Variants in ARHGAP18 observed in about 807,000 individuals in gnomAD.
ARHGAP18 encodes rho GTPase-activating protein 18.
In ARHGAP18, 67 loss-of-function variants were observed where a neutral mutation model predicts 86.2. The observed-to-expected ratio is 0.78, with a 90% CI of 0.64 to 0.95. The LOEUF (loss-of-function observed/expected upper bound fraction) is 0.95. ARHGAP18 is among the 40% of genes least tolerant of loss of function. ARHGAP18 has a pLI of 0.00. For missense variants in ARHGAP18, 691 were observed against 780.4 expected (o/e 0.89, Z 1.37); for synonymous variants, 283 against 280.4 (o/e 1.01, Z -0.09).
At chr6:129,629,849 A>G (rs977384689) in intron 4 of ARHGAP18, among the ~76,000 whole-genome samples, 119 of 152,304 alleles carry the variant, frequency 7.8e-4, no homozygotes, top group African/African-American at 2.8e-3. Context: ...TGAAGTATTA[A>G]TTGTTGTTTT....
At chr6:129,670,420 A>G (rs1359836247) in intron 1 of ARHGAP18, among the ~76,000 whole-genome samples, 2 of 152,172 alleles carry the variant, frequency 1.3e-5, no homozygotes, top group Admixed American at 6.5e-5. Flanking sequence ...GAAATTCTCT[A>G]TTTCAGAACT....
rs116344589 is a variant in ARHGAP18, at chr6:129,582,533, T to C, written c.1838+1455A>G. Among the ~76,000 whole-genome samples, 863 of 152,300 alleles carry C rather than the reference T, an allele frequency of 5.7e-3. 9 individuals carry two copies. Among genetic ancestry groups the C allele is most frequent in the African/African-American group, 0.02 (812 of 41,562 alleles). ...GGGAAGAATGGCAAAAGTTAGTATC[T>C]ACTAAGTCAAGGTAGGGAGCAGAGA... is the stretch of plus-strand genomic sequence containing the variant. On this transcript the variant is annotated intron_variant, in intron 13 of 14. Coordinates refer to ENST00000368149, the MANE Select transcript of ARHGAP18 (RefSeq NM_033515.3).
intron 1 of ARHGAP18, among the ~76,000 whole-genome samples, chr6:129,652,444 T>G (rs892424170): frequency 6.6e-6 from 1 of 152,260 alleles, no homozygotes; most frequent in Non-Finnish European, 1.5e-5. Context: ...ATCTATCAAG[T>G]CCTGAAGACA....
intron 1 of ARHGAP18, among the ~76,000 whole-genome samples, chr6:129,686,830 G>T (rs1368141006): frequency 6.8e-6 from 1 of 146,612 alleles, no homozygotes; most frequent in Non-Finnish European, 1.5e-5. Flanking sequence ...CGCTCTCGTG[G>T]CCCAGGCCGG....
intron 1 of ARHGAP18, among the ~76,000 whole-genome samples, chr6:129,683,740 T>C (rs1484507207): frequency 3.9e-5 from 6 of 152,140 alleles, no homozygotes; most frequent in Admixed American, 3.3e-4. Context: ...TTCACAACAA[T>C]GCAATAACAA....
chr6:129,642,604 C>T (rs1773492353), intron 1 of ARHGAP18, among the ~76,000 whole-genome samples: 2 of 152,070 alleles, frequency 1.3e-5, no homozygotes, highest in South Asian at 4.1e-4. Context: ...GCATAAGACT[C>T]ATTTAAACCT....
At position 129,636,783 on chromosome 6, in the gene ARHGAP18, AG is replaced by A. The variant is rs376134838; in HGVS notation, c.552+1610del. On this transcript the variant is annotated intron_variant, in intron 3 of 14. Transcript: ENST00000368149. ...GTCCCAGCTACTCCGAGGCTGAGGC[AG>A]GAGAATTGCTTGAACCTGGGAGGGG... 6.6e-4 allele frequency among the ~76,000 whole-genome samples: 101 copies of A among 152,332 alleles called. 1 individual carries two copies. In the East Asian group the frequency reaches 0.016, roughly 25 times the overall value.
chr6:129,690,054 T>C (rs1435926176), intron 1 of ARHGAP18, among the ~76,000 whole-genome samples: 1 of 152,184 alleles, frequency 6.6e-6, no homozygotes, highest in Non-Finnish European at 1.5e-5. Flanking sequence ...ATATAAGCAC[T>C]TTGGCCAAAC....
chr6:129,598,291 A>G (rs1321211069), intron 12 of ARHGAP18, among the ~76,000 whole-genome samples: 2 of 152,232 alleles, frequency 1.3e-5, no homozygotes, highest in African/African-American at 2.4e-5. Flanking sequence ...TACAATGCCA[A>G]GAAAGTATCA....
chr6:129,660,197 G>A (rs1773923571), intron 1 of ARHGAP18, among the ~76,000 whole-genome samples: 1 of 152,200 alleles, frequency 6.6e-6, no homozygotes, highest in South Asian at 2.1e-4. Context: ...ACAAGCAAAT[G>A]TCACTATCAA....
intron 1 of ARHGAP18, among the ~76,000 whole-genome samples, chr6:129,667,624 T>C (rs903806041): frequency 2.6e-5 from 4 of 151,716 alleles, no homozygotes; most frequent in African/African-American, 9.7e-5. Context: ...GAAACATATA[T>C]TGAGATCCAA....
At chr6:129,605,728 CT>C in intron 10 of ARHGAP18, 148 bp downstream of exon 10, 1 of 658,714 alleles carries the variant, frequency 1.5e-6, no homozygotes, top group Non-Finnish European at 2.6e-6. Context: ...GAGTTAAAGG[CT>C]TTCACCCTCT....
chr6:129,614,257 T>G (rs1339156667), intron 7 of ARHGAP18, among the ~76,000 whole-genome samples: 1 of 152,202 alleles, frequency 6.6e-6, no homozygotes, highest in East Asian at 1.9e-4. Flanking sequence ...GTTTCTAATT[T>G]TTTCCATTTT....
At chr6:129,709,962 G>A in intron 1 of ARHGAP18, 62 bp downstream of exon 1, 1 of 1,374,062 alleles carries the variant, frequency 7.3e-7, no homozygotes, top group Non-Finnish European at 1.0e-6. Flanking sequence ...CAACTTCCCT[G>A]TCACTTTCTT....
rs186861073 is a variant in ARHGAP18, at chr6:129,623,036, A to G, written c.787-4184T>C. Among the ~76,000 whole-genome samples, 137 of 150,086 alleles carry G rather than the reference A, an allele frequency of 9.1e-4. 2 individuals carry two copies. In the East Asian group the frequency reaches 0.025, roughly 28 times the overall value. On this transcript the variant is annotated intron_variant, in intron 5 of 14. Transcript: ENST00000368149. Reference sequence around the variant, plus strand: ...AAAAAAAAAAAAAAAAAGGAAAAAGAAAAGAATAAAAATTTTCAAAAAAAA... The same window carrying G: ...AAAAAAAAAAAAAAAAAGGAAAAAGGAAAGAATAAAAATTTTCAAAAAAAA...
At chr6:129,597,093 ACT>A (rs969259285) in intron 12 of ARHGAP18, among the ~76,000 whole-genome samples, 1 of 149,632 alleles carries the variant, frequency 6.7e-6, no homozygotes, top group Non-Finnish European at 1.5e-5. Flanking sequence ...GTGTCTATTT[ACT>A]CTCCCTAATA....
At chr6:129,596,518 A>G (rs1230303802) in intron 12 of ARHGAP18, among the ~76,000 whole-genome samples, 1 of 152,182 alleles carries the variant, frequency 6.6e-6, no homozygotes, top group East Asian at 1.9e-4. Flanking sequence ...AACACATTAT[A>G]TGAATTACTT....
intron 1 of ARHGAP18, among the ~76,000 whole-genome samples, chr6:129,692,455 C>T (rs370211883): frequency 6.6e-6 from 1 of 152,058 alleles, no homozygotes; most frequent in Non-Finnish European, 1.5e-5. Flanking sequence ...TGCCTGGGTA[C>T]GGAGAAATGA....
At chr6:129,604,097 C>A (rs1036585488) in intron 10 of ARHGAP18, among the ~76,000 whole-genome samples, 1 of 152,080 alleles carries the variant, frequency 6.6e-6, no homozygotes, top group Non-Finnish European at 1.5e-5. Flanking sequence ...TATTAAAGTT[C>A]TAGTTTGAAA....
Sources: allele counts gnomAD v4.1 joint callset (sites outside exome capture counted in the v4.1 genomes callset), GRCh38; gene constraint gnomAD v4.1.1; transcripts MANE v1.5; gene names NCBI Gene and HGNC (gene_info 2026-07-23, HGNC 2026-07-21).